Variants in LIMCH1 observed in about 807,000 individuals in gnomAD.
LIMCH1 encodes LIM and calponin homology domains 1, also known as LIM and calponin homology domains-containing protein 1.
LIMCH1 carries 113 observed loss-of-function variants against 176.5 expected under a neutral mutation model. That is an observed-to-expected ratio of 0.64 (90% CI 0.55 to 0.75). The LOEUF is 0.75. LIMCH1 is among the 30% of genes least tolerant of loss of function. The pLI is 0.00. For missense variants in LIMCH1, 1,674 were observed against 1,814.9 expected (o/e 0.92, Z 1.41); for synonymous variants, 619 against 645.9 (o/e 0.96, Z 0.63).
intron 1 of LIMCH1, among the ~76,000 whole-genome samples, chr4:41,384,360 A>T (rs1460176682): frequency 1.3e-5 from 2 of 150,776 alleles, no homozygotes; most frequent in South Asian, 2.1e-4. Flanking sequence ...GCCTGCCACC[A>T]CGCCGGGCTA....
intron 2 of LIMCH1, among the ~76,000 whole-genome samples, chr4:41,512,676 TTA>T (rs1473101948): frequency 1.3e-5 from 2 of 152,180 alleles, no homozygotes; most frequent in African/African-American, 4.8e-5. Context: ...ATAATTTCAT[TTA>T]TATAAATGTT....
intron 17 of LIMCH1, 124 bp downstream of exon 17, chr4:41,647,017 C>A: frequency 1.1e-6 from 1 of 933,282 alleles, no homozygotes; most frequent in Non-Finnish European, 1.6e-6. Flanking sequence ...TTGACATTTA[C>A]AGCTGTGAAA....
chr4:41,454,750 G>T (rs947510304), intron 1 of LIMCH1, among the ~76,000 whole-genome samples: 1 of 152,182 alleles, frequency 6.6e-6, no homozygotes, highest in African/African-American at 2.4e-5. Flanking sequence ...TTTCTAGAAA[G>T]CACTTGTGAA....
intron 1 of LIMCH1, among the ~76,000 whole-genome samples, chr4:41,444,567 C>A (rs1340385778): frequency 6.6e-6 from 1 of 152,138 alleles, no homozygotes; most frequent in East Asian, 1.9e-4. Flanking sequence ...GTCTGGGAAT[C>A]TCTACCTCTC....
chr4:41,633,112 C>A, intron 12 of LIMCH1, 27 bp downstream of exon 12: 1 of 1,466,746 alleles, frequency 6.8e-7, no homozygotes, highest in Non-Finnish European at 9.2e-7. Flanking sequence ...CGCTCTGCTC[C>A]GTGGTGTGTT....
rs2092498360 is a variant in LIMCH1, at chr4:41,620,640, G to C, written c.675G>C (p.Arg225Ser). Reference sequence around the variant, plus strand: ...CTGCTGAGATCCAAAAGCGCAAAAGGCTAGAGCAAGCTGGAATCAAGGTCA... The same window carrying C: ...CTGCTGAGATCCAAAAGCGCAAAAGCCTAGAGCAAGCTGGAATCAAGGTCA... ...KDAAEIQKRK[R>S]LEQAGIKVMP... The change falls in exon 7 of 32, where the codon AGG becomes AGC. Residue 225 changes from arginine (R) to serine (S), a missense_variant. Physicochemically the swap from Arg to Ser is moderately radical, Grantham distance 110. Coordinates refer to ENST00000503057, the MANE Select transcript of LIMCH1 (RefSeq NM_001330672.2). The C allele has an allele frequency of 1.3e-6, 2 of 1,536,056 alleles. No homozygotes were observed. Among genetic ancestry groups the C allele is most frequent in the South Asian group, 1.2e-5 (1 of 84,068 alleles).
At chr4:41,525,406 T>A (rs1561633346) in intron 3 of LIMCH1, among the ~76,000 whole-genome samples, 1 of 152,222 alleles carries the variant, frequency 6.6e-6, no homozygotes, top group East Asian at 1.9e-4. Flanking sequence ...TGATTGTTGT[T>A]AAAAAGCTTC....
At chr4:41,632,902 G>T in intron 11 of LIMCH1, 35 bp downstream of exon 11, 1 of 1,529,972 alleles carries the variant, frequency 6.5e-7, no homozygotes, top group Non-Finnish European at 8.8e-7. Flanking sequence ...CCCGGGAGGT[G>T]AAGGAGGACA....
At chr4:41,401,214 T>G (rs563067524) in intron 1 of LIMCH1, among the ~76,000 whole-genome samples, 1 of 152,314 alleles carries the variant, frequency 6.6e-6, no homozygotes, top group South Asian at 2.1e-4. Flanking sequence ...TTGTATAAAG[T>G]GTAAGGAAGG....
At chr4:41,422,601 T>C (rs2060707709) in intron 1 of LIMCH1, among the ~76,000 whole-genome samples, 1 of 152,192 alleles carries the variant, frequency 6.6e-6, no homozygotes, top group African/African-American at 2.4e-5. Flanking sequence ...ACTTGATACC[T>C]TTTTCCTTCT....
chr4:41,648,661 GT>G (rs2094162191), intron 17 of LIMCH1, among the ~76,000 whole-genome samples: 1 of 109,794 alleles, frequency 9.1e-6, no homozygotes, highest in Non-Finnish European at 1.9e-5. Flanking sequence ...GGGTAGGGGT[GT>G]GTGTGTGTGT....
chr4:41,506,331 A>T (rs2074153489), intron 2 of LIMCH1, among the ~76,000 whole-genome samples: 1 of 152,172 alleles, frequency 6.6e-6, no homozygotes, highest in Non-Finnish European at 1.5e-5. Context: ...TCAGCATGAG[A>T]TGTGGTGTGT....
chr4:41,681,316 G>T (rs1411962053), intron 25 of LIMCH1, among the ~76,000 whole-genome samples: 2 of 152,088 alleles, frequency 1.3e-5, no homozygotes, highest in Non-Finnish European at 2.9e-5. Flanking sequence ...GGAAGCCAAA[G>T]TCTCTCCACA....
intron 14 of LIMCH1, among the ~76,000 whole-genome samples, chr4:41,640,738 A>T (rs916215107): frequency 2.6e-5 from 4 of 152,178 alleles, no homozygotes; most frequent in African/African-American, 9.7e-5. Flanking sequence ...CTTTTTCCAA[A>T]ATCTTTAAAG....
intron 1 of LIMCH1, among the ~76,000 whole-genome samples, chr4:41,417,177 G>A (rs1302748509): frequency 6.6e-6 from 1 of 151,726 alleles, no homozygotes; most frequent in Non-Finnish European, 1.5e-5. Flanking sequence ...CTTTGTGAGG[G>A]GTTATCTATG....
chr4:41,617,380 C>G (rs1003378261), intron 5 of LIMCH1, among the ~76,000 whole-genome samples: 1 of 152,262 alleles, frequency 6.6e-6, no homozygotes, highest in East Asian at 1.9e-4. Context: ...GGGGTTCCTA[C>G]AGTGTCTCTG....
chr4:41,567,217 G>A (rs2082895410), intron 1 of LIMCH1, among the ~76,000 whole-genome samples: 1 of 152,176 alleles, frequency 6.6e-6, no homozygotes, highest in South Asian at 2.1e-4. Context: ...CATACATGCT[G>A]AAGTTACTCT....
chr4:41,429,024 C>G lies in LIMCH1; in HGVS notation c.97-65512C>G, dbSNP rs558649858. Reference sequence around the variant, plus strand: ...GAAAGGGCCTCCTTGTTTGAAATCTCTTCTTGGGAAGGAAGAAAGTGGCAT... The same window carrying G: ...GAAAGGGCCTCCTTGTTTGAAATCTGTTCTTGGGAAGGAAGAAAGTGGCAT... On this transcript the variant is annotated intron_variant, in intron 1 of 26. Transcript: ENST00000313860. 8.5e-5 allele frequency among the ~76,000 whole-genome samples: 13 copies of G among 152,302 alleles called. No individual in the cohort carries two copies. In the South Asian group the frequency reaches 2.7e-3, roughly 32 times the overall value.
chr4:41,415,819 T>TA (rs141274574), intron 1 of LIMCH1, among the ~76,000 whole-genome samples: 10,278 of 150,386 alleles, frequency 0.068, 689 homozygotes, highest in South Asian at 0.19. Flanking sequence ...CTACTAAAAA[T>TA]AAAAAAAAAT....
Sources: allele counts gnomAD v4.1 joint callset (sites outside exome capture counted in the v4.1 genomes callset), GRCh38; gene constraint gnomAD v4.1.1; transcripts MANE v1.5; gene names NCBI Gene and HGNC (gene_info 2026-07-23, HGNC 2026-07-21).